BIRC6: variants seen among roughly 807,000 people sequenced by gnomAD.
BIRC6 encodes the protein dual E2 ubiquitin-conjugating enzyme/E3 ubiquitin-protein ligase BIRC6.
BIRC6 carries 98 observed loss-of-function variants against 503.3 expected under a neutral mutation model. That is an observed-to-expected ratio of 0.19 (90% confidence interval 0.17 to 0.23). BIRC6 has a LOEUF of 0.23. BIRC6 is among the 10% of genes least tolerant of loss of function. The probability of loss-of-function intolerance (pLI) is 1.00; values close to 1 mark genes in which losing one functional copy is unlikely to be tolerated. For synonymous variants in BIRC6, 2,240 were observed against 2,078.7 expected, an observed-to-expected ratio of 1.08 and a Z score of -2.11; for missense variants, 5,360 against 5,806.0, an observed-to-expected ratio of 0.92 and a Z score of 2.50.
At chr2:32,613,645 G>A (rs914577756) in intron 73 of BIRC6, among the ~76,000 whole-genome samples, 3 of 151,980 alleles carry the variant, frequency 2.0e-5, no homozygotes, top group Admixed American at 6.6e-5. Flanking sequence ...GTGAGCCACC[G>A]CGCCCCGCCT....
At chr2:32,365,469 G>A (rs2034767468) in intron 1 of BIRC6, among the ~76,000 whole-genome samples, 1 of 151,954 alleles carries the variant, frequency 6.6e-6, no homozygotes, top group African/African-American at 2.4e-5. Context: ...ACAGGCGTGC[G>A]CCTGCACGCC....
At chr2:32,613,479 C>T (rs2063022393) in intron 73 of BIRC6, among the ~76,000 whole-genome samples, 1 of 152,066 alleles carries the variant, frequency 6.6e-6, no homozygotes, top group South Asian at 2.1e-4. Context: ...CTCCTGGGTT[C>T]AAGCTATTCT....
chr2:32,528,793 G>C (rs2056494301), intron 59 of BIRC6: 1 of 151,954 alleles, frequency 6.6e-6, no homozygotes, highest in Non-Finnish European at 1.5e-5. Flanking sequence ...TTTATTACAG[G>C]CACAAAATTA....
At chr2:32,405,247 T>C (rs2041066383) in intron 8 of BIRC6, among the ~76,000 whole-genome samples, 1 of 152,214 alleles carries the variant, frequency 6.6e-6, no homozygotes, top group African/African-American at 2.4e-5. Flanking sequence ...TTACACTTAC[T>C]CTGTTTCTCT....
At chr2:32,469,636 GTATTTGT>G in intron 30 of BIRC6, 22 bp downstream of exon 30, 4 of 1,567,540 alleles carry the variant, frequency 2.6e-6, no homozygotes, top group Non-Finnish European at 3.5e-6. Context: ...AATGTTGGAG[GTATTTGT>G]TATTAATGAT....
rs1208952647 is a variant in BIRC6, at chr2:32,509,980, G to A, written c.10223G>A (p.Gly3408Asp). The stretch of plus-strand genomic sequence containing the variant: ...CTCCTGAGAAATTGTGCAGCATCAG[G>A]CAGTGATCCTACAGGTGATAATTAA... ...DILLRNCAAS[G>D]SDPTDLNSPL... Residue 3408 changes from glycine to aspartate, a missense_variant, in exon 52 of 74, where the codon GGC becomes GAC. Physicochemically the swap from Gly to Asp is moderately conservative, Grantham distance 94. Coordinates refer to ENST00000421745, the MANE Select transcript of BIRC6 (RefSeq NM_016252.4). 1.9e-6 allele frequency: 3 copies of A among 1,613,836 alleles called. No homozygotes were observed. Among genetic ancestry groups the A allele is most frequent in the Non-Finnish European group, 2.5e-6 (3 of 1,179,830 alleles).
chr2:32,400,164 T>G (rs2040438574), intron 6 of BIRC6, among the ~76,000 whole-genome samples: 1 of 152,096 alleles, frequency 6.6e-6, no homozygotes, highest in South Asian at 2.1e-4. Context: ...AGCATTTATT[T>G]GAAAGAAGTA....
chr2:32,618,060 A>T lies in BIRC6; in HGVS notation c.*156A>T. 1 of 745,682 alleles carries T rather than the reference A, an allele frequency of 1.3e-6. No individual in the cohort carries two copies. The highest frequency in any genetic ancestry group is 2.1e-6 in the Non-Finnish European group (1 of 486,636). 46.2% of individuals were successfully genotyped at this position (745,682 alleles called of 1,614,324 possible). ...CCAGTTTAATTCAAGGTGATCTTTT[A>T]TTTACCTGTACAGGAGTGTAAACTT... On this transcript the variant is annotated 3_prime_UTR_variant, in exon 74 of 74. Coordinates refer to ENST00000421745, the MANE Select transcript of BIRC6 (RefSeq NM_016252.4).
Position 32,369,588 on chromosome 2 carries a change from C to T in BIRC6, c.326-8000C>T, listed in dbSNP as rs148202069. On this transcript the variant is annotated intron_variant, in intron 1 of 73. Coordinates refer to ENST00000421745, the MANE Select transcript of BIRC6 (RefSeq NM_016252.4). Reference sequence around the variant, plus strand: ...GACTACAGGCACACACCACCACGCCCGGCTAATTTTTGTGTTTTTGGTAGA... The same window carrying T: ...GACTACAGGCACACACCACCACGCCTGGCTAATTTTTGTGTTTTTGGTAGA... 1.3e-3 allele frequency among the ~76,000 whole-genome samples: 197 copies of T among 151,672 alleles called. 1 individual carries two copies. The highest frequency in any genetic ancestry group is 4.6e-3 in the African/African-American group (188 of 41,318).
intron 21 of BIRC6, among the ~76,000 whole-genome samples, chr2:32,447,627 G>A (rs1181680621): frequency 8.2e-6 from 1 of 121,422 alleles, no homozygotes; most frequent in Non-Finnish European, 1.8e-5. Context: ...CCTCCCTCCC[G>A]GACGGCGCGG....
At chr2:32,487,463 C>G (rs2051133455) in intron 40 of BIRC6, among the ~76,000 whole-genome samples, 184 bp from the exon 41 acceptor site, 1 of 151,942 alleles carries the variant, frequency 6.6e-6, no homozygotes, top group Non-Finnish European at 1.5e-5. Flanking sequence ...TGGTCATTGT[C>G]TTTTTTACTT....
chr2:32,395,012 C>T (rs1182083872), intron 5 of BIRC6, among the ~76,000 whole-genome samples: 3 of 151,954 alleles, frequency 2.0e-5, no homozygotes, highest in South Asian at 4.2e-4. Flanking sequence ...ATTAGCTGGG[C>T]GTGGTGGCAG....
At chr2:32,391,680 A>C (rs1262624124) in intron 4 of BIRC6, among the ~76,000 whole-genome samples, 1 of 152,234 alleles carries the variant, frequency 6.6e-6, no homozygotes, top group African/African-American at 2.4e-5. Flanking sequence ...CTTTCTTACT[A>C]AAAATCTTTT....
intron 23 of BIRC6, among the ~76,000 whole-genome samples, chr2:32,459,030 T>C (rs969356899): frequency 2.6e-5 from 4 of 152,132 alleles, no homozygotes; most frequent in Non-Finnish European, 5.9e-5. Flanking sequence ...TGTTTATATC[T>C]GATAGTAAAA....
At chr2:32,504,013 G>A (rs1307261123) in intron 49 of BIRC6, among the ~76,000 whole-genome samples, 1 of 109,208 alleles carries the variant, frequency 9.2e-6, no homozygotes, top group Non-Finnish European at 1.8e-5. Context: ...CACCACACTG[G>A]GGCGGGGGGT....
chr2:32,602,920 T>C, intron 70 of BIRC6, 86 bp from the exon 71 acceptor site: 2 of 1,087,562 alleles, frequency 1.8e-6, no homozygotes, highest in Non-Finnish European at 2.7e-6. Flanking sequence ...TTTGACAGGA[T>C]AGCATTTTGT....
chr2:32,377,315 T>C (rs1484329413), intron 1 of BIRC6, among the ~76,000 whole-genome samples: 1 of 151,978 alleles, frequency 6.6e-6, no homozygotes, highest in Admixed American at 6.6e-5. Flanking sequence ...TTCCCTATAC[T>C]GTTGCTGTGT....
At chr2:32,556,222 ACT>A (rs912578962) in intron 65 of BIRC6, among the ~76,000 whole-genome samples, 10 of 152,130 alleles carry the variant, frequency 6.6e-5, no homozygotes, top group Admixed American at 3.3e-4. Flanking sequence ...AGAATATATG[ACT>A]CTGTGTTAAA....
At chr2:32,537,513 C>G (rs1390662494) in intron 61 of BIRC6, among the ~76,000 whole-genome samples, 2 of 152,052 alleles carry the variant, frequency 1.3e-5, no homozygotes, top group Non-Finnish European at 2.9e-5. Context: ...GCAAAAAAAT[C>G]TGTCATCCTA....
Sources: allele counts gnomAD v4.1 joint callset (sites outside exome capture counted in the v4.1 genomes callset), GRCh38; gene constraint gnomAD v4.1.1; transcripts MANE v1.5; gene names NCBI Gene and HGNC (gene_info 2026-07-23, HGNC 2026-07-21).